The following DPH6 variants were observed in gnomAD, a reference collection of about 807,000 sequenced individuals.
DPH6 encodes the protein diphthine--ammonia ligase.
In DPH6, 33 loss-of-function variants were observed where a neutral mutation model predicts 38.2. The ratio of observed to expected loss-of-function variants is 0.86; its 90% confidence interval spans 0.65 to 1.15. The LOEUF is 1.15. Among genes scored for constraint, DPH6 ranks in the 50% most tolerant of loss-of-function variants. DPH6 has a pLI of 0.00. For synonymous variants in DPH6, 108 were observed against 103.0 expected (o/e 1.05, Z -0.30); for missense variants, 325 against 320.0 (o/e 1.02, Z -0.12).
chr15:35,332,533 CT>C (rs2052333980), intron 3 of DPH6, among the ~76,000 whole-genome samples: 1 of 152,032 alleles, frequency 6.6e-6, no homozygotes, highest in African/African-American at 2.4e-5. Flanking sequence ...CTTAATTGTA[CT>C]TTTTAAAAGG....
At chr15:35,385,999 C>A (rs993353000) in intron 6 of DPH6, among the ~76,000 whole-genome samples, 1 of 151,938 alleles carries the variant, frequency 6.6e-6, no homozygotes, top group Non-Finnish European at 1.5e-5. Flanking sequence ...CTCCCTGCTA[C>A]CCCCACCCCA....
At chr15:35,435,577 T>C (rs1462730031) in intron 5 of DPH6, among the ~76,000 whole-genome samples, 2 of 152,110 alleles carry the variant, frequency 1.3e-5, no homozygotes, top group Non-Finnish European at 2.9e-5. Flanking sequence ...TGGTATTCAA[T>C]CTGTGATGTG....
chr15:35,274,835 G>A (rs751527667), intron 3 of DPH6, among the ~76,000 whole-genome samples: 7 of 152,102 alleles, frequency 4.6e-5, no homozygotes, highest in South Asian at 2.1e-4. Flanking sequence ...ACAGTGCGGC[G>A]ATTCCTCAAG....
chr15:35,238,070 T>G, intron 3 of DPH6: 2 of 1,552,182 alleles, frequency 1.3e-6, no homozygotes, highest in Non-Finnish European at 1.8e-6. Flanking sequence ...CTAAGTGGAA[T>G]AACCTATTTT....
At chr15:35,170,176 C>A in the DPH6 span, among the ~76,000 whole-genome samples, 1 of 152,204 alleles carries the variant, frequency 6.6e-6, no homozygotes, top group African/African-American at 2.4e-5. Flanking sequence ...CTATCTTTGG[C>A]TTGGAAAGAG....
At chr15:35,221,369 C>T (rs887947305) in intron 3 of DPH6, among the ~76,000 whole-genome samples, 1 of 152,118 alleles carries the variant, frequency 6.6e-6, no homozygotes, top group Non-Finnish European at 1.5e-5. Context: ...AGAGGCCGCA[C>T]CCCCATGGCT....
intron 5 of DPH6, among the ~76,000 whole-genome samples, chr15:35,425,827 AT>A (rs919040709): frequency 1.3e-5 from 2 of 148,790 alleles, no homozygotes; most frequent in Admixed American, 6.7e-5. Flanking sequence ...ATATATATAT[AT>A]ATCTCATATA....
chr15:35,237,596 A>T, intron 3 of DPH6: 1 of 1,591,666 alleles, frequency 6.3e-7, no homozygotes, highest in Non-Finnish European at 8.6e-7. Flanking sequence ...TCCGAACCTC[A>T]CGCATCTAAA....
At chr15:35,385,075 C>T (rs889317735) in intron 6 of DPH6, among the ~76,000 whole-genome samples, 1 of 152,190 alleles carries the variant, frequency 6.6e-6, no homozygotes, top group Non-Finnish European at 1.5e-5. Context: ...GAGATACCAT[C>T]TCATGCCAGT....
intron 3 of DPH6, among the ~76,000 whole-genome samples, chr15:35,460,895 C>T (rs1046006831): frequency 2.3e-5 from 2 of 86,672 alleles, no homozygotes; most frequent in Admixed American, 1.7e-4. Context: ...GAGATACTCA[C>T]AAACTGGTAA....
At chr15:35,246,412 C>G (rs1367332213) in intron 3 of DPH6, among the ~76,000 whole-genome samples, 6 of 152,108 alleles carry the variant, frequency 3.9e-5, no homozygotes, top group Non-Finnish European at 7.3e-5. Flanking sequence ...ATGACACATC[C>G]AAATGATAAT....
At chr15:35,320,739 T>C (rs769594086) in intron 3 of DPH6, among the ~76,000 whole-genome samples, 12 of 152,234 alleles carry the variant, frequency 7.9e-5, no homozygotes, top group Admixed American at 2.6e-4. Context: ...ATTTCTTTTA[T>C]ACGTTCCAAA....
intron 5 of DPH6, among the ~76,000 whole-genome samples, chr15:35,426,407 T>C (rs1043702755): frequency 1.2e-4 from 18 of 151,962 alleles, no homozygotes; most frequent in Non-Finnish European, 2.5e-4. Flanking sequence ...CTGTTCAGCA[T>C]TCTTTTCTAA....
chr15:35,397,868 T>TATACACACACAC (rs752473433), intron 6 of DPH6, among the ~76,000 whole-genome samples: 48 of 87,296 alleles, frequency 5.5e-4, no homozygotes, highest in African/African-American at 1.9e-3. Context: ...TTTATATATA[T>TATACACACACAC]ACACACACAC....
chr15:35,501,268 ATC>A (rs1160694269), intron 3 of DPH6, among the ~76,000 whole-genome samples: 1 of 152,286 alleles, frequency 6.6e-6, no homozygotes, highest in African/African-American at 2.4e-5. Context: ...ATTAAAAATA[ATC>A]TCTCTTATTA....
chr15:35,217,182 A>C (rs574044954), downstream of DPH6, among the ~76,000 whole-genome samples: 49 of 152,244 alleles, frequency 3.2e-4, no homozygotes, highest in African/African-American at 1.1e-3. Flanking sequence ...CCACCATATA[A>C]ATTAGGTGCA....
chr15:35,488,740 G>A (rs545762586), intron 3 of DPH6, among the ~76,000 whole-genome samples: 1 of 152,222 alleles, frequency 6.6e-6, no homozygotes, highest in East Asian at 1.9e-4. Flanking sequence ...TGTAAAATAA[G>A]GTTCTATGAG....
intron 6 of DPH6, among the ~76,000 whole-genome samples, chr15:35,407,419 T>C (rs549874481): frequency 1.1e-4 from 17 of 151,990 alleles, no homozygotes; most frequent in Non-Finnish European, 2.4e-4. Flanking sequence ...AAATATTCAA[T>C]AATTTAAAAA....
At chr15:35,311,679 T>A (rs2052143028) in intron 3 of DPH6, among the ~76,000 whole-genome samples, 1 of 152,210 alleles carries the variant, frequency 6.6e-6, no homozygotes, top group African/African-American at 2.4e-5. Context: ...TTTTGACTTA[T>A]TCCAGAAGGA....
Sources: allele counts gnomAD v4.1 joint callset (sites outside exome capture counted in the v4.1 genomes callset), GRCh38; gene constraint gnomAD v4.1.1; transcripts MANE v1.5; gene names NCBI Gene and HGNC (gene_info 2026-07-23, HGNC 2026-07-21).